NELL2: variants seen among roughly 807,000 people sequenced by gnomAD.
NELL2 encodes the protein protein kinase C-binding protein NELL2.
A neutral mutation model predicts 109.6 loss-of-function variants in NELL2; 41 were observed. The observed-to-expected ratio is 0.37, with a 90% CI of 0.29 to 0.49. The LOEUF (loss-of-function observed/expected upper bound fraction) is 0.49, where lower values mean the gene tolerates loss of function less well. Ranked by LOEUF, NELL2 falls within the 20% of genes least tolerant of loss-of-function variation. NELL2 has a pLI of 0.98. For synonymous variants in NELL2, 355 were observed against 344.7 expected (o/e 1.03, Z -0.33); for missense variants, 900 against 1,008.3 (o/e 0.89, Z 1.45).
intron 13 of NELL2, among the ~76,000 whole-genome samples, chr12:44,615,676 C>G (rs1049847505): frequency 2.6e-5 from 4 of 152,050 alleles, no homozygotes; most frequent in African/African-American, 9.7e-5. Flanking sequence ...TATGTTTACA[C>G]AGTTTAATGT....
chr12:44,841,263 T>G (rs1402690263), intron 2 of NELL2, among the ~76,000 whole-genome samples: 4 of 152,202 alleles, frequency 2.6e-5, no homozygotes, highest in Non-Finnish European at 5.9e-5. Flanking sequence ...CATGGTCCTT[T>G]TCACATGCCT....
At chr12:44,914,900 A>G (rs1191111995), upstream of NELL2, among the ~76,000 whole-genome samples, 1 of 151,716 alleles carries the variant, frequency 6.6e-6, no homozygotes, top group Non-Finnish European at 1.5e-5. Flanking sequence ...CCCAGGCTGG[A>G]GTGCAGTGGC....
chr12:44,712,171 A>G (rs1268449477), intron 10 of NELL2, among the ~76,000 whole-genome samples: 3 of 152,094 alleles, frequency 2.0e-5, no homozygotes, highest in Non-Finnish European at 4.4e-5. Context: ...TAACCAATAC[A>G]TAAGTAATTA....
chr12:44,670,833 C>T (rs1948114660), intron 12 of NELL2, among the ~76,000 whole-genome samples: 1 of 151,912 alleles, frequency 6.6e-6, no homozygotes, highest in African/African-American at 2.4e-5. Context: ...AGAGAGAGAC[C>T]CCAATATAAC....
chr12:44,567,976 A>G (rs1943723473), intron 15 of NELL2, among the ~76,000 whole-genome samples: 1 of 152,196 alleles, frequency 6.6e-6, no homozygotes, highest in African/African-American at 2.4e-5. Flanking sequence ...AATACTATAC[A>G]TAGACACAAC....
chr12:44,670,185 T>G (rs182748791), intron 12 of NELL2, among the ~76,000 whole-genome samples: 178 of 152,192 alleles, frequency 1.2e-3, no homozygotes, highest in African/African-American at 3.7e-3. Context: ...CTTTCTCAGA[T>G]GAGAAAATAA....
intron 19 of NELL2, among the ~76,000 whole-genome samples, chr12:44,514,975 T>C (rs1032605610): frequency 6.6e-6 from 1 of 150,928 alleles, no homozygotes; most frequent in African/African-American, 2.4e-5. Flanking sequence ...GGACAACAAA[T>C]ACAATAATAA....
At chr12:44,559,645 T>C (rs1167777954) in intron 15 of NELL2, among the ~76,000 whole-genome samples, 2 of 152,174 alleles carry the variant, frequency 1.3e-5, no homozygotes, top group Admixed American at 6.5e-5. Context: ...TAAATATATA[T>C]GCACCCAATA....
chr12:44,529,002 T>C (rs1941928435), intron 16 of NELL2, among the ~76,000 whole-genome samples: 1 of 152,182 alleles, frequency 6.6e-6, no homozygotes, highest in Non-Finnish European at 1.5e-5. Flanking sequence ...GTTTGCATAT[T>C]GCTTTGAGAG....
intron 19 of NELL2, among the ~76,000 whole-genome samples, chr12:44,513,572 A>G (rs1461207146): frequency 1.3e-5 from 2 of 151,966 alleles, no homozygotes; most frequent in East Asian, 3.8e-4. Context: ...TGGCAGAGAA[A>G]TTAAACTACT....
chr12:44,784,572 A>G (rs994544903), intron 3 of NELL2, among the ~76,000 whole-genome samples: 7 of 152,166 alleles, frequency 4.6e-5, no homozygotes, highest in Middle Eastern at 3.2e-3. Context: ...GCAGAGACAC[A>G]ATAAAAAAAG....
At chr12:44,538,443 G>C (rs943744233) in intron 15 of NELL2, among the ~76,000 whole-genome samples, 6 of 152,276 alleles carry the variant, frequency 3.9e-5, no homozygotes, top group East Asian at 1.9e-4. Context: ...TACAACACAC[G>C]TTCACATTCA....
intron 2 of NELL2, among the ~76,000 whole-genome samples, chr12:44,855,069 TTAA>T (rs1317817389): frequency 1.1e-4 from 17 of 152,180 alleles, no homozygotes; most frequent in Admixed American, 1.3e-4. Flanking sequence ...CATAAAAATA[TTAA>T]TGAGATTTTA....
intron 2 of NELL2, among the ~76,000 whole-genome samples, chr12:44,868,897 T>C (rs546893986): frequency 3.9e-5 from 6 of 152,274 alleles, no homozygotes; most frequent in Admixed American, 1.3e-4. Context: ...CCAAAAAAAA[T>C]TATAAGTACA....
intron 15 of NELL2, among the ~76,000 whole-genome samples, chr12:44,561,468 C>T (rs1484461641): frequency 1.3e-5 from 2 of 152,250 alleles, no homozygotes; most frequent in East Asian, 1.9e-4. Flanking sequence ...AGCTGATAAG[C>T]AACTTCAGCA....
chr12:44,852,944 T>G (rs1349967886), intron 2 of NELL2, among the ~76,000 whole-genome samples: 1 of 152,154 alleles, frequency 6.6e-6, no homozygotes, highest in Non-Finnish European at 1.5e-5. Context: ...AATGAAATTT[T>G]TGTAGCAACT....
At chr12:44,783,706 A>T (rs1328820499) in intron 3 of NELL2, among the ~76,000 whole-genome samples, 2 of 152,008 alleles carry the variant, frequency 1.3e-5, no homozygotes, top group African/African-American at 4.8e-5. Context: ...AAAAAATTAA[A>T]TCTCCAGGCC....
At chr12:44,876,993 G>GTCCAGCACCTC, upstream of NELL2, 1 of 756,944 alleles carries the variant, frequency 1.3e-6, no homozygotes, top group Non-Finnish European at 1.7e-6. Flanking sequence ...GCCAGGAGGT[G>GTCCAGCACCTC]CTGGACAGCT....
At chr12:44,677,179 T>C (rs1451142428) in intron 12 of NELL2, among the ~76,000 whole-genome samples, 2 of 152,084 alleles carry the variant, frequency 1.3e-5, no homozygotes, top group East Asian at 1.9e-4. Context: ...TTAAGAGAAT[T>C]TGGTATGCTT....
Sources: gnomAD v4.1 joint callset for allele counts (sites outside exome capture counted in the v4.1 genomes callset) on GRCh38, gnomAD v4.1.1 for gene constraint, MANE v1.5 for transcripts, NCBI Gene and HGNC (gene_info 2026-07-23, HGNC 2026-07-21) for gene names.